Variants in SV2C observed in about 807,000 individuals in gnomAD.
The protein encoded by SV2C is solute carrier family 22 member B3.
In SV2C, 49 loss-of-function variants were observed where a neutral mutation model predicts 79.7. That is an observed-to-expected ratio of 0.61 (90% CI 0.49 to 0.78). The LOEUF (loss-of-function observed/expected upper bound fraction) is 0.78, where lower values mean the gene tolerates loss of function less well. Among genes scored for constraint, SV2C ranks in the 30% least tolerant of loss-of-function variants. SV2C has a pLI of 0.00. For synonymous variants in SV2C, 334 were observed against 333.2 expected (o/e 1.00, Z -0.03); for missense variants, 833 against 912.9 (o/e 0.91, Z 1.13).
chr5:76,065,265 C>A, the SV2C span, among the ~76,000 whole-genome samples: 1 of 152,158 alleles, frequency 6.6e-6, no homozygotes, highest in African/African-American at 2.4e-5. Flanking sequence ...TATGCAACAG[C>A]AACCTGTGAC....
At chr5:75,937,298 C>A in the SV2C span, among the ~76,000 whole-genome samples, 2 of 152,276 alleles carry the variant, frequency 1.3e-5, no homozygotes, top group East Asian at 3.9e-4. Context: ...ATTTTGCTTT[C>A]AATCTTGTGA....
chr5:75,888,148 C>G, the SV2C span, among the ~76,000 whole-genome samples: 6 of 151,884 alleles, frequency 4.0e-5, no homozygotes, highest in African/African-American at 1.5e-4. Flanking sequence ...TCATCTCAGT[C>G]CATTGTGTAA....
the SV2C span, among the ~76,000 whole-genome samples, chr5:76,077,892 C>T: frequency 6.6e-6 from 1 of 152,154 alleles, no homozygotes; most frequent in African/African-American, 2.4e-5. Flanking sequence ...ATATATGGAG[C>T]ATGGAGACCA....
the SV2C span, among the ~76,000 whole-genome samples, chr5:76,054,369 A>T: frequency 2.6e-5 from 4 of 152,338 alleles, no homozygotes; most frequent in South Asian, 6.2e-4. Context: ...CATATGTGCC[A>T]CATTTTCTTT....
chr5:76,343,293 G>T (rs1011942874), intron 12 of SV2C, among the ~76,000 whole-genome samples: 1 of 151,930 alleles, frequency 6.6e-6, no homozygotes, highest in Non-Finnish European at 1.5e-5. Context: ...AGTTAGAAAA[G>T]GTATTGACAA....
intron 4 of SV2C, among the ~76,000 whole-genome samples, chr5:76,276,925 A>C (rs1214784343): frequency 6.6e-6 from 1 of 152,076 alleles, no homozygotes; most frequent in East Asian, 1.9e-4. Flanking sequence ...GAGATCAGGG[A>C]ATCAGTCTCC....
Position 76,202,030 on chromosome 5 carries a change from A to AG in SV2C, c.761+6931_761+6932insG, listed in dbSNP as rs1185461378. 4.8e-4 allele frequency among the ~76,000 whole-genome samples: 73 copies of AG among 151,374 alleles called. 1 individual carries two copies. The East Asian group carries it at 0.013, about 26-fold the overall frequency. On this transcript the variant is annotated intron_variant, in intron 3 of 12. Coordinates refer to ENST00000502798, the MANE Select transcript of SV2C (RefSeq NM_014979.4). ...GACTCCATCTCAAAAAAAAAAAAAA[A>AG]AAAAAAGAAAGAAAAAGAAAATTGA... is the stretch of plus-strand genomic sequence containing the variant.
the SV2C span, among the ~76,000 whole-genome samples, chr5:75,853,683 A>G: frequency 6.8e-6 from 1 of 147,474 alleles, no homozygotes; most frequent in Non-Finnish European, 1.5e-5. Flanking sequence ...TTTTTTTAAA[A>G]TATTACAAAT....
intron 12 of SV2C, among the ~76,000 whole-genome samples, chr5:76,322,274 C>T (rs1010426906): frequency 6.6e-6 from 1 of 152,170 alleles, no homozygotes; most frequent in African/African-American, 2.4e-5. Flanking sequence ...CATGAGTGAA[C>T]TCCCATTCAC....
At chr5:76,073,539 AT>A in the SV2C span, among the ~76,000 whole-genome samples, 1 of 135,106 alleles carries the variant, frequency 7.4e-6, no homozygotes, top group African/African-American at 2.7e-5. Flanking sequence ...ATATATATAT[AT>A]ATATACACCA....
chr5:76,132,204 T>C lies in SV2C; in HGVS notation c.454T>C (p.Trp152Arg), dbSNP rs754508238. ...AGAATGCGGTCATGGTCGTTTTCAG[T>C]GGGCCCTTTTCTTCGTCCTGGGCAT... ...IQECGHGRFQ[W>R]ALFFVLGMAL... The change falls in exon 2 of 13, where the codon TGG (tryptophan) becomes CGG (arginine). Residue 152 changes from tryptophan to arginine, a missense_variant. Trp to Arg is a moderately radical substitution (Grantham distance 101, BLOSUM62 -3). Transcript: ENST00000502798. 8 of 1,614,034 alleles carry C rather than the reference T, an allele frequency of 5.0e-6. No homozygotes were observed. The highest frequency in any genetic ancestry group is 6.8e-6 in the Non-Finnish European group (8 of 1,180,030).
At chr5:75,859,266 T>G in the SV2C span, among the ~76,000 whole-genome samples, 1 of 152,204 alleles carries the variant, frequency 6.6e-6, no homozygotes, top group Non-Finnish European at 1.5e-5. Context: ...TTTGAATGAA[T>G]CCAGATTAAG....
intron 10 of SV2C, among the ~76,000 whole-genome samples, chr5:76,300,156 A>AAATT (rs1747932363): frequency 2.1e-5 from 3 of 139,676 alleles, no homozygotes; most frequent in Admixed American, 1.5e-4. Flanking sequence ...TCAAATAAAA[A>AAATT]ATTATTATTA....
chr5:76,173,542 T>C, intron 2 of SV2C: 1 of 1,314,240 alleles, frequency 7.6e-7, no homozygotes, highest in Admixed American at 1.7e-5. Flanking sequence ...AAGATGTTGG[T>C]AGGTTTAACA....
At chr5:76,347,879 AGAG>A (rs1749572924) in intron 12 of SV2C, among the ~76,000 whole-genome samples, 5 of 152,176 alleles carry the variant, frequency 3.3e-5, no homozygotes, top group Admixed American at 3.3e-4. Context: ...ACCCCTCACC[AGAG>A]TGGTAATTGT....
At chr5:76,268,831 G>A (rs1016880877) in intron 4 of SV2C, among the ~76,000 whole-genome samples, 1 of 152,148 alleles carries the variant, frequency 6.6e-6, no homozygotes, top group African/African-American at 2.4e-5. Context: ...CATAAAAAGA[G>A]TATGGGAAAC....
the SV2C span, among the ~76,000 whole-genome samples, chr5:75,993,362 T>C: frequency 7.9e-5 from 12 of 152,084 alleles, no homozygotes; most frequent in African/African-American, 2.9e-4. Context: ...CACGCTACTA[T>C]GCAAAGCGAG....
At position 76,325,326 on chromosome 5, in the gene SV2C, C is replaced by A. The variant is rs75698117; in HGVS notation, c.2001-38C>A. On this transcript the variant is annotated intron_variant, in intron 12 of 12. Coordinates refer to ENST00000502798, the MANE Select transcript of SV2C (RefSeq NM_014979.4). ...GTCTAAAGTTGGAATCATGGGGAGG[C>A]ATTTTCTCAACCTTGTTCATGTCTC... 6.1e-4 allele frequency: 969 copies of A among 1,598,268 alleles called. 13 individuals carry two copies. The East Asian group carries it at 0.019, about 32-fold the overall frequency.
chr5:76,342,358 CAGG>C (rs1480797278), intron 12 of SV2C, among the ~76,000 whole-genome samples: 24 of 152,256 alleles, frequency 1.6e-4, no homozygotes, highest in Admixed American at 1.3e-3. Flanking sequence ...CAAATCACAC[CAGG>C]AGAAGGAGTC....
Sources: allele counts gnomAD v4.1 joint callset (sites outside exome capture counted in the v4.1 genomes callset), GRCh38; gene constraint gnomAD v4.1.1; transcripts MANE v1.5; gene names NCBI Gene and HGNC (gene_info 2026-07-23, HGNC 2026-07-21).